Variants in RGS5 observed in about 807,000 individuals in gnomAD.
RGS5 encodes regulator of G protein signaling 5.
In RGS5, 20 loss-of-function variants were observed where a neutral mutation model predicts 18.9. That is an observed-to-expected ratio of 1.06 (90% CI 0.74 to 1.54). RGS5 has a LOEUF of 1.54. Ranked by LOEUF, RGS5 falls within the 40% of genes most tolerant of loss-of-function variation. The probability of loss-of-function intolerance (pLI) is 0.00; values close to 1 mark genes in which losing one functional copy is unlikely to be tolerated. For synonymous variants in RGS5, 57 were observed against 76.2 expected, an observed-to-expected ratio of 0.75 and a Z score of 1.31; for missense variants, 201 against 211.8, an observed-to-expected ratio of 0.95 and a Z score of 0.32.
chr1:163,261,892 A>C (rs1042624429), intron 2 of RGS5, among the ~76,000 whole-genome samples: 1 of 149,078 alleles, frequency 6.7e-6, no homozygotes, highest in African/African-American at 2.6e-5. Context: ...TTTTTTTTTA[A>C]AATTATTTCT....
At chr1:163,257,148 A>T (rs1394131121) in intron 2 of RGS5, among the ~76,000 whole-genome samples, 1 of 152,264 alleles carries the variant, frequency 6.6e-6, no homozygotes, top group East Asian at 1.9e-4. Context: ...GGCTAGTCTA[A>T]TTAGGACAAC....
At chr1:163,246,923 C>T (rs1030577093) in intron 2 of RGS5, among the ~76,000 whole-genome samples, 4 of 152,124 alleles carry the variant, frequency 2.6e-5, no homozygotes, top group Non-Finnish European at 4.4e-5. Flanking sequence ...GAAATCATGT[C>T]GTTTGCAGCA....
chr1:163,152,432 G>A, intron 4 of RGS5, 118 bp downstream of exon 4: 2 of 1,044,068 alleles, frequency 1.9e-6, no homozygotes, highest in Non-Finnish European at 2.8e-6. Flanking sequence ...TAATAAGGTG[G>A]TCGACTCACA....
At chr1:163,162,582 A>T (rs1478303234) in intron 2 of RGS5, among the ~76,000 whole-genome samples, 1 of 151,822 alleles carries the variant, frequency 6.6e-6, no homozygotes, top group Non-Finnish European at 1.5e-5. Context: ...TTTTTTAAAG[A>T]TTTACTCTTT....
At chr1:163,171,870 C>G (rs980136917) in intron 1 of RGS5, among the ~76,000 whole-genome samples, 122 of 152,258 alleles carry the variant, frequency 8.0e-4, no homozygotes, top group Non-Finnish European at 9.3e-4. Flanking sequence ...GATGTGGAAA[C>G]AATCACAAAC....
At chr1:163,283,797 A>G (rs565603482) in intron 2 of RGS5, among the ~76,000 whole-genome samples, 32 of 152,314 alleles carry the variant, frequency 2.1e-4, no homozygotes, top group African/African-American at 7.5e-4. Flanking sequence ...TCCAGCTAAG[A>G]GCTAATAAGA....
chr1:163,274,629 A>G (rs922439304), intron 2 of RGS5, among the ~76,000 whole-genome samples: 2 of 152,174 alleles, frequency 1.3e-5, no homozygotes, highest in Admixed American at 6.5e-5. Context: ...CTGGCCTGAA[A>G]CTTGCAACTG....
intron 1 of RGS5, among the ~76,000 whole-genome samples, chr1:163,193,054 C>T (rs534166167): frequency 3.9e-5 from 6 of 152,286 alleles, no homozygotes; most frequent in Admixed American, 1.3e-4. Flanking sequence ...CCACATACTT[C>T]GCTAATAATA....
chr1:163,318,181 C>T (rs1181703397), intron 1 of RGS5, among the ~76,000 whole-genome samples: 1 of 152,070 alleles, frequency 6.6e-6, no homozygotes, highest in African/African-American at 2.4e-5. Context: ...AAAGCAGCCT[C>T]ATGAATGCGA....
chr1:163,222,860 T>A lies in RGS5; in HGVS notation c.-280-54492A>T, dbSNP rs187082988. Among the ~76,000 whole-genome samples, 260 of 152,204 alleles carry A rather than the reference T, an allele frequency of 1.7e-3. 1 individual carries two copies. The highest frequency in any genetic ancestry group is 0.017 in the Middle Eastern group (5 of 294). On this transcript the variant is annotated intron_variant, in intron 2 of 5. Transcript: ENST00000618415. ...TGAGCTGCTTCTCTATTTATTTTTT[T>A]ATTTATTTATATATTTTTTAAGACG...
intron 1 of RGS5, among the ~76,000 whole-genome samples, chr1:163,201,491 A>G (rs185749620): frequency 6.6e-6 from 1 of 152,270 alleles, no homozygotes; most frequent in East Asian, 1.9e-4. Context: ...TTAAAAAACA[A>G]TAATAATATT....
chr1:163,178,269 C>T (rs1473399681), intron 1 of RGS5, among the ~76,000 whole-genome samples: 2 of 152,006 alleles, frequency 1.3e-5, no homozygotes, highest in Admixed American at 6.6e-5. Context: ...TGAGATGGTG[C>T]CACTGCACTT....
At chr1:163,242,487 C>G (rs1647816607) in intron 2 of RGS5, among the ~76,000 whole-genome samples, 1 of 152,150 alleles carries the variant, frequency 6.6e-6, no homozygotes, top group African/African-American at 2.4e-5. Context: ...GTATTATGCT[C>G]TAAGGCAAAC....
upstream of RGS5, among the ~76,000 whole-genome samples, chr1:163,203,943 A>C (rs185706285): frequency 6.6e-6 from 1 of 152,274 alleles, no homozygotes; most frequent in Admixed American, 6.5e-5. Flanking sequence ...TCCAAGCTTT[A>C]AAAAAAGTGG....
chr1:163,307,773 A>C (rs985958690), intron 1 of RGS5, among the ~76,000 whole-genome samples: 3 of 152,156 alleles, frequency 2.0e-5, no homozygotes, highest in Non-Finnish European at 4.4e-5. Context: ...AAGTAAATTA[A>C]TATTTATTGA....
At chr1:163,178,538 C>G (rs1014341336) in intron 1 of RGS5, among the ~76,000 whole-genome samples, 1 of 152,070 alleles carries the variant, frequency 6.6e-6, no homozygotes, top group Non-Finnish European at 1.5e-5. Flanking sequence ...AGACTTGATC[C>G]TAAAAGCACC....
chr1:163,268,684 T>C (rs540798194), intron 2 of RGS5, among the ~76,000 whole-genome samples: 2 of 152,030 alleles, frequency 1.3e-5, no homozygotes, highest in Non-Finnish European at 2.9e-5. Flanking sequence ...GCCCACAACT[T>C]ACCAAAATTA....
chr1:163,208,231 C>T (rs1423277167), intron 1 of RGS5, among the ~76,000 whole-genome samples: 3 of 144,800 alleles, frequency 2.1e-5, no homozygotes, highest in Non-Finnish European at 4.5e-5. Flanking sequence ...GCCTGTAGTT[C>T]CAGCTACTCC....
At chr1:163,272,333 A>G (rs934291452) in intron 2 of RGS5, among the ~76,000 whole-genome samples, 4 of 152,050 alleles carry the variant, frequency 2.6e-5, no homozygotes, top group Non-Finnish European at 4.4e-5. Context: ...GTACTTTGCA[A>G]ATATCTTCTG....
Sources: gnomAD v4.1 joint callset for allele counts (sites outside exome capture counted in the v4.1 genomes callset) on GRCh38, gnomAD v4.1.1 for gene constraint, MANE v1.5 for transcripts, NCBI Gene and HGNC (gene_info 2026-07-23, HGNC 2026-07-21) for gene names.